The following RAPGEF5 variants were observed in gnomAD, a reference collection of about 807,000 sequenced individuals.
The protein encoded by RAPGEF5 is M-Ras-regulated GEF.
RAPGEF5 carries 65 observed loss-of-function variants against 125.2 expected under a neutral mutation model. The ratio of observed to expected loss-of-function variants is 0.52; its 90% CI spans 0.43 to 0.64. The LOEUF (loss-of-function observed/expected upper bound fraction) is 0.64, where lower values mean the gene tolerates loss of function less well. Among genes scored for constraint, RAPGEF5 ranks in the 30% least tolerant of loss-of-function variants. The probability of loss-of-function intolerance (pLI) is 0.00; values close to 1 mark genes in which losing one functional copy is unlikely to be tolerated. For missense variants in RAPGEF5, 958 were observed against 1,048.1 expected (o/e 0.91, Z 1.19); for synonymous variants, 391 against 385.9 (o/e 1.01, Z -0.16).
intron 6 of RAPGEF5, among the ~76,000 whole-genome samples, chr7:22,275,104 G>A (rs935976644): frequency 6.6e-5 from 10 of 151,942 alleles, no homozygotes; most frequent in African/African-American, 2.2e-4. Context: ...CCACCTCCCC[G>A]CCTTGTATGG....
At chr7:22,226,845 C>T (rs773582589) in intron 8 of RAPGEF5, among the ~76,000 whole-genome samples, 9 of 152,122 alleles carry the variant, frequency 5.9e-5, no homozygotes, top group Non-Finnish European at 1.2e-4. Context: ...GATGGACAGA[C>T]CCATACTATA....
rs187361302 is a variant in RAPGEF5 at position 22,288,049 on chromosome 7, G to A, written c.747+3126C>T. 6.2e-4 allele frequency among the ~76,000 whole-genome samples: 94 copies of A among 152,264 alleles called. No homozygotes were observed. In the Middle Eastern group the frequency reaches 0.01, roughly 17 times the overall value. On this transcript the variant is annotated intron_variant, in intron 6 of 25. Transcript: ENST00000665637. ...CCAGCATCTTACCTCATTTTCTTCA[G>A]TCTTTTAGCCTGGGGATTTTTCCAG... is the stretch of plus-strand genomic sequence containing the variant.
chr7:22,355,318 T>C (rs1441628882), intron 1 of RAPGEF5, among the ~76,000 whole-genome samples: 6 of 152,322 alleles, frequency 3.9e-5, no homozygotes, highest in Middle Eastern at 3.4e-3. Flanking sequence ...ATAAATACTA[T>C]AGATCTATTT....
intron 9 of RAPGEF5, chr7:22,202,917 T>C (rs4719687): frequency 0.51 from 185,605 of 364,202 alleles, 48,051 homozygotes; most frequent in East Asian, 0.54. Flanking sequence ...CCTCAGTAAA[T>C]AGAGGGCAGA....
rs1374072488 is a variant in RAPGEF5, at chr7:22,230,874, G to A, written c.842C>T (p.Thr281Ile). 6.4e-7 allele frequency: 1 copy of A among 1,566,630 alleles called. No homozygotes were observed. Among genetic ancestry groups the A allele is most frequent in the African/African-American group, 1.3e-5 (1 of 74,268 alleles). The change falls in exon 8 of 26, where the codon ACA (threonine) becomes ATA (isoleucine). Residue 281 changes from threonine (T) to isoleucine (I), a missense_variant. Transcript: ENST00000665637. ...EENNDKHVAV[T>I]EAESVPDSQA... is the part of the protein sequence containing the mutation. The stretch of plus-strand genomic sequence containing the variant: ...AGAATCTGGAACACTTTCGGCTTCT[G>A]TTACAGCTACATGTTTGTCGTTGTT...
intron 14 of RAPGEF5, 45 bp downstream of exon 14, chr7:22,160,473 G>T (rs1442125458): frequency 6.0e-6 from 9 of 1,508,360 alleles, no homozygotes; most frequent in Non-Finnish European, 8.0e-6. Flanking sequence ...CATATTTGCT[G>T]CTGTTTTCTT....
chr7:22,305,307 T>C (rs1036118103), intron 5 of RAPGEF5, among the ~76,000 whole-genome samples: 2 of 152,228 alleles, frequency 1.3e-5, no homozygotes, highest in African/African-American at 4.8e-5. Flanking sequence ...TCAACCTTTC[T>C]ATTAGCACAG....
intron 7 of RAPGEF5, among the ~76,000 whole-genome samples, chr7:22,265,121 C>T (rs1238305732): frequency 6.6e-6 from 1 of 152,098 alleles, no homozygotes; most frequent in Admixed American, 6.6e-5. Flanking sequence ...GTATTGAGAA[C>T]ATTTCAAATC....
At chr7:22,144,882 G>C (rs191565448) in intron 20 of RAPGEF5, among the ~76,000 whole-genome samples, 162 bp downstream of exon 20, 58 of 152,280 alleles carry the variant, frequency 3.8e-4, no homozygotes, top group Non-Finnish European at 6.9e-4. Context: ...GAAATGCAAA[G>C]ACATAAATAT....
intron 7 of RAPGEF5, among the ~76,000 whole-genome samples, chr7:22,260,532 T>TA (rs71550468): frequency 0.32 from 39,833 of 123,896 alleles, 6,091 homozygotes; most frequent in East Asian, 0.42. Flanking sequence ...TTAGGACCAG[T>TA]AAAAAAAAAA....
In RAPGEF5 at chr7:22,328,787, T is replaced by G. The variant is rs944815836; in HGVS notation, c.232-10750A>C. Among the ~76,000 whole-genome samples the G allele has an allele frequency of 2.0e-5, 3 of 152,190 alleles. 1 individual carries two copies. The highest frequency in any genetic ancestry group is 7.2e-5 in the African/African-American group (3 of 41,432). ...TATCAGATGTGATGTTGCCTCTTAC[T>G]TTCTTGGCGGAGGAGGTCAAGCAGA... On this transcript the variant is annotated intron_variant, in intron 1 of 25. Transcript: ENST00000665637.
chr7:22,207,043 AC>A (rs1785414046), intron 9 of RAPGEF5, among the ~76,000 whole-genome samples: 1 of 152,232 alleles, frequency 6.6e-6, no homozygotes, highest in Non-Finnish European at 1.5e-5. Context: ...ATTCAACTAC[AC>A]TAGAGATGTA....
At chr7:22,355,194 A>C (rs199981138) in intron 1 of RAPGEF5, among the ~76,000 whole-genome samples, 1 of 152,264 alleles carries the variant, frequency 6.6e-6, no homozygotes, top group African/African-American at 2.4e-5. Flanking sequence ...TTAATAAAGC[A>C]TACATTATCT....
chr7:22,148,127 T>C (rs1439965013), intron 18 of RAPGEF5, among the ~76,000 whole-genome samples: 1 of 152,010 alleles, frequency 6.6e-6, no homozygotes, highest in Non-Finnish European at 1.5e-5. Flanking sequence ...CTAACAAATG[T>C]AGAGGTGTTG....
chr7:22,171,749 C>T (rs1310926143), intron 11 of RAPGEF5, among the ~76,000 whole-genome samples: 2 of 152,210 alleles, frequency 1.3e-5, no homozygotes, highest in Non-Finnish European at 2.9e-5. Flanking sequence ...ATCTGCCCGC[C>T]TCAGCCTCCC....
chr7:22,356,926 C>T lies in RAPGEF5; in HGVS notation c.135G>A (p.Gln45=), dbSNP rs1183608555. Residue 45 remains glutamine (Q), a synonymous_variant, in exon 1 of 26, where the codon CAG becomes CAA. Coordinates refer to ENST00000665637, the MANE Select transcript of RAPGEF5 (RefSeq NM_012294.5). ...GCCGCGGCCGCAGCGACGCCGGCGG[C>T]TGCTCGCGCTCGGGCTCCCGGGCGC... is the stretch of plus-strand genomic sequence containing the variant. ...SPSAREPERE[Q]PPASLRPRLR... is the part of the protein sequence containing the mutation. The T allele has an allele frequency of 5.5e-6, 6 of 1,081,248 alleles. No individual in the cohort carries two copies. In the East Asian group the frequency reaches 3.7e-4, roughly 66 times the overall value. 67.0% of individuals were successfully genotyped at this position (1,081,248 alleles called of 1,614,324 possible).
At chr7:22,132,460 T>C (rs187609358) in intron 23 of RAPGEF5, among the ~76,000 whole-genome samples, 1 of 152,234 alleles carries the variant, frequency 6.6e-6, no homozygotes, top group Non-Finnish European at 1.5e-5. Context: ...ACAAACTCTC[T>C]GGTTATTTTA....
chr7:22,165,571 T>C (rs924269411), intron 12 of RAPGEF5, among the ~76,000 whole-genome samples: 8 of 152,122 alleles, frequency 5.3e-5, no homozygotes, highest in Admixed American at 5.2e-4. Context: ...TAAATAACAG[T>C]TCAAGATCAA....
At chr7:22,160,368 A>G in intron 14 of RAPGEF5, 150 bp downstream of exon 14, 1 of 684,148 alleles carries the variant, frequency 1.5e-6, no homozygotes, top group Non-Finnish European at 2.3e-6. Flanking sequence ...AGAACAAAAC[A>G]TACAATTTAC....
Sources: gnomAD v4.1 joint callset for allele counts (sites outside exome capture counted in the v4.1 genomes callset) on GRCh38, gnomAD v4.1.1 for gene constraint, MANE v1.5 for transcripts, NCBI Gene and HGNC (gene_info 2026-07-23, HGNC 2026-07-21) for gene names.